The following CFHR4 variants were observed in gnomAD, a reference collection of about 807,000 sequenced individuals.
CFHR4 encodes complement factor H-related protein 4.
CFHR4 carries 64 observed loss-of-function variants against 69.3 expected under a neutral mutation model. The ratio of observed to expected loss-of-function variants is 0.92; its 90% CI spans 0.76 to 1.14. The LOEUF is 1.14. Among genes scored for constraint, CFHR4 ranks in the 50% most tolerant of loss-of-function variants. The pLI is 0.00. For synonymous variants in CFHR4, 244 were observed against 237.0 expected, an observed-to-expected ratio of 1.03 and a Z score of -0.27; for missense variants, 636 against 684.9, an observed-to-expected ratio of 0.93 and a Z score of 0.80.
At chr1:196,895,216 G>C (rs1657231967) in intron 1 of CFHR4, among the ~76,000 whole-genome samples, 2 of 151,586 alleles carry the variant, frequency 1.3e-5, no homozygotes, top group Admixed American at 6.6e-5. Context: ...CTGGGTGACA[G>C]AGCAAGACCC....
At chr1:196,898,743 T>G (rs892925266) in intron 1 of CFHR4, among the ~76,000 whole-genome samples, 6 of 151,586 alleles carry the variant, frequency 4.0e-5, no homozygotes, top group Admixed American at 3.9e-4. Context: ...CTGTGTCAGA[T>G]GCTCTCCTGT....
intron 1 of CFHR4, among the ~76,000 whole-genome samples, chr1:196,889,569 A>G (rs1200498877): frequency 1.3e-5 from 2 of 151,560 alleles, no homozygotes; most frequent in African/African-American, 4.9e-5. Context: ...AACTCTTTGT[A>G]AGAGTAAACT....
At chr1:196,903,594 A>G (rs552773649) in intron 2 of CFHR4, among the ~76,000 whole-genome samples, 4 of 151,244 alleles carry the variant, frequency 2.6e-5, no homozygotes, top group East Asian at 3.9e-4. Flanking sequence ...CGGAGGTTGC[A>G]GTGAGCTGAG....
chr1:196,913,811 A>C (rs1301496890), intron 7 of CFHR4, among the ~76,000 whole-genome samples: 1 of 151,440 alleles, frequency 6.6e-6, no homozygotes, highest in Admixed American at 6.6e-5. Context: ...ACTCTCAAAA[A>C]TACTAGGCTA....
chr1:196,910,368 G>C lies in CFHR4; in HGVS notation c.887G>C (p.Gly296Ala), dbSNP rs921604716. 6.8e-6 allele frequency: 11 copies of C among 1,611,464 alleles called. No individual in the cohort carries two copies. Among genetic ancestry groups the C allele is most frequent in the African/African-American group, 6.7e-5 (5 of 74,230 alleles). ...AGACCATACTTTCCAGTAGCTACAG[G>C]ACAATCTTACTCCTATTACTGTGAC... The part of the protein sequence containing the change: ...TRRPYFPVAT[G>A]QSYSYYCDQN... The change falls in exon 6 of 10, where the codon GGA (glycine) becomes GCA (alanine). Residue 296 changes from glycine (G) to alanine (A), a missense_variant. Gly to Ala is a moderately conservative substitution (Grantham distance 60). This residue lies in a region of CFHR4 where 529 missense variants were observed against 533.2 expected (regional missense o/e 0.99). Transcript: ENST00000608469.
chr1:196,905,238 A>G lies in CFHR4; in HGVS notation c.387A>G (p.Ser129=), dbSNP rs1366361580. ...PGYATAEGNS[S]GSITCLQNGW... ...ATGCAACAGCAGAGGGAAATTCTTC[A>G]GGATCAATTACATGTTTGCAAAATG... is the stretch of plus-strand genomic sequence containing the variant. The change falls in exon 3 of 10, where the codon TCA becomes TCG. Residue 129 remains serine (S), a synonymous_variant. Transcript: ENST00000608469. The G allele has an allele frequency of 1.9e-6, 3 of 1,611,610 alleles. No individual in the cohort carries two copies. The South Asian group carries it at 3.3e-5, about 18-fold the overall frequency.
At chr1:196,892,319 A>T (rs929771045) in intron 1 of CFHR4, among the ~76,000 whole-genome samples, 2 of 151,548 alleles carry the variant, frequency 1.3e-5, no homozygotes, top group Admixed American at 6.6e-5. Context: ...AGAGGTCAGG[A>T]TCAGGAAATT....
Position 196,918,427 on chromosome 1 carries a change from T to G in CFHR4, c.*21T>G. Reference sequence around the variant, plus strand: ...AATAAGGCAGCATTGTTACCCTAAATGTATGTCCAACTTCCACTTCTCACT... The same window carrying G: ...AATAAGGCAGCATTGTTACCCTAAAGGTATGTCCAACTTCCACTTCTCACT... On this transcript the variant is annotated 3_prime_UTR_variant, in exon 10 of 10. Transcript: ENST00000608469. 6.3e-7 allele frequency: 1 copy of G among 1,596,160 alleles called. No homozygotes were observed. The highest frequency in any genetic ancestry group is 8.6e-7 in the Non-Finnish European group (1 of 1,165,316).
At position 196,906,350 on chromosome 1, in the gene CFHR4, A is replaced by C. The variant is rs545493061; in HGVS notation, c.440-511A>C. ...CGGGCTCTGCAAAAGACAAAGCTGT[A>C]CACTTCAATCTGATTTGACCAGCTT... On this transcript the variant is annotated intron_variant, in intron 3 of 9. Transcript: ENST00000608469. 3.4e-4 allele frequency among the ~76,000 whole-genome samples: 51 copies of C among 151,672 alleles called. 2 individuals are homozygous for C. Among genetic ancestry groups the C allele is most frequent in the Non-Finnish European group, 6.9e-4 (47 of 67,934 alleles).
chr1:196,912,620 T>A (rs1180418092), intron 6 of CFHR4, 120 bp from the exon 7 acceptor site: 1 of 1,190,476 alleles, frequency 8.4e-7, no homozygotes, highest in Non-Finnish European at 1.1e-6. Context: ...AGTTTTGCTG[T>A]TTTCAATTCA....
At chr1:196,900,305 A>G (rs114923952) in intron 1 of CFHR4, among the ~76,000 whole-genome samples, 1 of 135,644 alleles carries the variant, frequency 7.4e-6, no homozygotes, top group Non-Finnish European at 1.5e-5. Flanking sequence ...TGCCAATCAG[A>G]TCATAGGTGG....
At position 196,889,239 on chromosome 1, in the gene CFHR4, C is replaced by T. The variant is rs1437274456; in HGVS notation, c.58+1031C>T. Reference sequence around the variant, plus strand: ...ACAGCTTTAGGTTTTACAGTATTATCTATCACATGATTCGCTAGTTTTAAT... The same window carrying T: ...ACAGCTTTAGGTTTTACAGTATTATTTATCACATGATTCGCTAGTTTTAAT... On this transcript the variant is annotated intron_variant, in intron 1 of 9. Transcript: ENST00000608469. Among the ~76,000 whole-genome samples, 7 of 151,406 alleles carry T rather than the reference C, an allele frequency of 4.6e-5. 1 individual carries two copies. The highest frequency in any genetic ancestry group is 2.0e-4 in the Admixed American group (3 of 15,148).
rs1334810301 is a variant in CFHR4, at chr1:196,910,271, T to G, written c.800-10T>G. 1 of 1,548,780 alleles carries G rather than the reference T, an allele frequency of 6.5e-7. No homozygotes were observed. Among genetic ancestry groups the G allele is most frequent in the Non-Finnish European group, 8.8e-7 (1 of 1,140,028 alleles). On this transcript the variant is annotated splice_polypyrimidine_tract_variant and intron_variant, in intron 5 of 9. Coordinates refer to ENST00000608469, the MANE Select transcript of CFHR4 (RefSeq NM_001201550.3). ...ACATTATTTATACTATTTTTGTTTT[T>G]TGTTACAAGCAATGAAACCTTGTGA...
At chr1:196,911,659 A>AAAGAC (rs1306484379) in intron 6 of CFHR4, among the ~76,000 whole-genome samples, 9 of 151,592 alleles carry the variant, frequency 5.9e-5, no homozygotes, top group African/African-American at 1.9e-4. Flanking sequence ...AATTGAGATG[A>AAAGAC]AAGACAATGG....
rs767034021 is a variant in CFHR4, at chr1:196,907,458, A to C, written c.759A>C (p.Thr253=). ...AACTTCAGGGTTCTAAATATGTAAC[A>C]TGTAGTAATGGAGACTGGTCAGAAC... ...YYELQGSKYV[T]CSNGDWSEPP... The change falls in exon 5 of 10, where the codon ACA becomes ACC. Residue 253 remains threonine, a synonymous_variant. Transcript: ENST00000608469. 3.7e-6 allele frequency: 6 copies of C among 1,612,116 alleles called. No homozygotes were observed. In the South Asian group the frequency reaches 5.5e-5, roughly 15 times the overall value.
chr1:196,889,789 A>T (rs1312454952), intron 1 of CFHR4, among the ~76,000 whole-genome samples: 2 of 151,490 alleles, frequency 1.3e-5, no homozygotes, highest in Non-Finnish European at 2.9e-5. Flanking sequence ...GAGCTTAAAG[A>T]TGTAATTAAG....
At chr1:196,907,099 T>A (rs2124958127) in intron 4 of CFHR4, 62 bp downstream of exon 4, 1 of 1,420,628 alleles carries the variant, frequency 7.0e-7, no homozygotes, top group East Asian at 2.5e-5. Flanking sequence ...CATACATATG[T>A]ATATGTACAC....
chr1:196,916,039 C>A (rs1050361055), intron 9 of CFHR4, among the ~76,000 whole-genome samples: 4 of 151,588 alleles, frequency 2.6e-5, no homozygotes, highest in Middle Eastern at 6.8e-3. Context: ...AACGAAACTT[C>A]AGCCATTTCC....
At chr1:196,909,001 C>T (rs897421489) in intron 5 of CFHR4, among the ~76,000 whole-genome samples, 1 of 151,396 alleles carries the variant, frequency 6.6e-6, no homozygotes, top group African/African-American at 2.4e-5. Flanking sequence ...ATGTGTAAGT[C>T]CGGGCTCCAA....
Sources: allele counts gnomAD v4.1 joint callset (sites outside exome capture counted in the v4.1 genomes callset), GRCh38; gene constraint gnomAD v4.1.1; regional missense constraint gnomAD v4.1.1; transcripts MANE v1.5; gene names NCBI Gene and HGNC (gene_info 2026-07-23, HGNC 2026-07-21).